The following PCSK5 variants were observed in gnomAD, a reference collection of about 807,000 sequenced individuals.
PCSK5 encodes prohormone convertase 5.
PCSK5 carries 129 observed loss-of-function variants against 233.2 expected under a neutral mutation model. That is an observed-to-expected ratio of 0.55 (90% CI 0.48 to 0.64). The LOEUF (loss-of-function observed/expected upper bound fraction) is 0.64, where lower values mean the gene tolerates loss of function less well. PCSK5 is among the 30% of genes least tolerant of loss of function. The probability of loss-of-function intolerance (pLI) is 0.00; values close to 1 mark genes in which losing one functional copy is unlikely to be tolerated. For missense variants in PCSK5, 2,076 were observed against 2,430.1 expected, an observed-to-expected ratio of 0.85 and a Z score of 3.06; for synonymous variants, 825 against 879.2, an observed-to-expected ratio of 0.94 and a Z score of 1.09.
intron 3 of PCSK5, among the ~76,000 whole-genome samples, chr9:76,008,933 T>C (rs1481571855): frequency 1.3e-5 from 2 of 152,208 alleles, no homozygotes; most frequent in Non-Finnish European, 2.9e-5. Flanking sequence ...AGATAAGCAA[T>C]GAATAACTTT....
At position 76,357,602 on chromosome 9, in the gene PCSK5, G is replaced by C. The variant is rs532706432; in HGVS notation, c.5255-911G>C. ...ATTTAAAGATAGTACTTCTTTTTCTGCCAGGCTAGGAGCATAAAACTCCAA... is the reference window on the plus strand; with the variant it reads ...ATTTAAAGATAGTACTTCTTTTTCTCCCAGGCTAGGAGCATAAAACTCCAA... On this transcript the variant is annotated intron_variant, in intron 37 of 37. Coordinates refer to ENST00000674117, the MANE Select transcript of PCSK5 (RefSeq NM_001372043.1). Among the ~76,000 whole-genome samples the C allele has an allele frequency of 7.2e-5, 11 of 152,026 alleles. No homozygotes were observed. In the East Asian group the frequency reaches 1.9e-3, roughly 27 times the overall value.
intron 27 of PCSK5, among the ~76,000 whole-genome samples, chr9:76,300,584 C>A (rs1316397229): frequency 6.6e-6 from 1 of 152,146 alleles, no homozygotes; most frequent in Non-Finnish European, 1.5e-5. Flanking sequence ...CCTGTCTTAC[C>A]AGCACACCAT....
intron 37 of PCSK5, among the ~76,000 whole-genome samples, chr9:76,356,475 C>A (rs974230109): frequency 1.3e-5 from 2 of 152,176 alleles, no homozygotes; most frequent in African/African-American, 4.8e-5. Context: ...ATTCAAACAA[C>A]CTCAAAAGGT....
chr9:75,950,149 G>T lies in PCSK5; in HGVS notation c.297+17666G>T, dbSNP rs13283988. ...GACACACTTGTGTGTGTGTGTGGGG[G>T]GGGCGGGGAGGGGGGAACTGCTACA... On this transcript the variant is annotated intron_variant, in intron 2 of 37. Coordinates refer to ENST00000674117, the MANE Select transcript of PCSK5 (RefSeq NM_001372043.1). Among the ~76,000 whole-genome samples, 727 of 143,188 alleles carry T rather than the reference G, an allele frequency of 5.1e-3. 24 individuals carry two copies. The highest frequency in any genetic ancestry group is 0.018 in the African/African-American group (697 of 39,148). 93.9% of individuals were successfully genotyped at this position (143,188 alleles called of 152,430 possible).
Position 76,189,692 on chromosome 9 carries a change from A to G in PCSK5, c.2572A>G (p.Ser858Gly). Residue 858 changes from serine to glycine, a missense_variant, in exon 20 of 38, where the codon AGT becomes GGT. Ser to Gly is a moderately conservative substitution (Grantham distance 56). Coordinates refer to ENST00000674117, the MANE Select transcript of PCSK5 (RefSeq NM_001372043.1). ...PGFKNCTSCP[S>G]GYLLDLGMCQ... ...ATTCAAGAACTGTACAAGCTGCCCT[A>G]GTGGGTATCTCTTAGACTTAGGAAT... The G allele has an allele frequency of 6.2e-7, 1 of 1,613,120 alleles. No individual in the cohort carries two copies. The highest frequency in any genetic ancestry group is 8.5e-7 in the Non-Finnish European group (1 of 1,179,156).
chr9:76,171,096 A>C (rs1823313544), intron 13 of PCSK5, among the ~76,000 whole-genome samples: 1 of 152,212 alleles, frequency 6.6e-6, no homozygotes, highest in Admixed American at 6.5e-5. Context: ...CCAAGTTTTT[A>C]TCAAGAAAGC....
intron 3 of PCSK5, among the ~76,000 whole-genome samples, chr9:75,987,296 T>C (rs529634003): frequency 6.6e-6 from 1 of 152,278 alleles, no homozygotes; most frequent in South Asian, 2.1e-4. Context: ...TGTGTTCCTA[T>C]CTTTTGTCAT....
chr9:76,188,810 G>A (rs1434347497), intron 18 of PCSK5, 135 bp downstream of exon 18: 1 of 681,338 alleles, frequency 1.5e-6, no homozygotes, highest in African/African-American at 1.8e-5. Context: ...TTTGATAATT[G>A]TGTGTGTATT....
At chr9:76,125,396 A>C (rs1439385968) in intron 9 of PCSK5, among the ~76,000 whole-genome samples, 1 of 152,166 alleles carries the variant, frequency 6.6e-6, no homozygotes, top group Non-Finnish European at 1.5e-5. Flanking sequence ...GCAGGTGGCG[A>C]GGGTCAGAGC....
chr9:76,292,370 T>C, intron 25 of PCSK5, 95 bp downstream of exon 25: 2 of 814,402 alleles, frequency 2.5e-6, no homozygotes, highest in Middle Eastern at 4.6e-4. Context: ...AAAGTGGCCC[T>C]GCAGCCCGAA....
At chr9:75,899,324 A>T (rs1347138975) in intron 1 of PCSK5, among the ~76,000 whole-genome samples, 1 of 152,222 alleles carries the variant, frequency 6.6e-6, no homozygotes, top group Non-Finnish European at 1.5e-5. Flanking sequence ...TGATTATTAC[A>T]GGTAAGCAAA....
chr9:76,323,755 C>G (rs890630591), intron 32 of PCSK5, among the ~76,000 whole-genome samples: 8 of 152,148 alleles, frequency 5.3e-5, no homozygotes, highest in African/African-American at 1.9e-4. Context: ...TGACAAATCA[C>G]GTGGACCTTC....
intron 1 of PCSK5, among the ~76,000 whole-genome samples, chr9:75,910,019 T>A (rs1323875888): frequency 6.6e-6 from 1 of 152,172 alleles, no homozygotes; most frequent in Non-Finnish European, 1.5e-5. Flanking sequence ...TCTGAGTCCT[T>A]GAGAGATGCG....
chr9:76,116,284 A>C (rs1261961259), intron 9 of PCSK5, among the ~76,000 whole-genome samples: 1 of 152,144 alleles, frequency 6.6e-6, no homozygotes, highest in Non-Finnish European at 1.5e-5. Context: ...CACAAAAAGA[A>C]AGACATTGGA....
chr9:75,902,499 G>A lies in PCSK5; in HGVS notation c.192+11126G>A, dbSNP rs185848264. ...AAGAGTGGTAGAAGCAGAAAGATGA[G>A]AGCCAACCCAGAGAGTATTTTTATT... On this transcript the variant is annotated intron_variant, in intron 1 of 37. Coordinates refer to ENST00000674117, the MANE Select transcript of PCSK5 (RefSeq NM_001372043.1). Among the ~76,000 whole-genome samples, 153 of 152,216 alleles carry A rather than the reference G, an allele frequency of 1.0e-3. 1 individual carries two copies. The highest frequency in any genetic ancestry group is 2.5e-4 in the Non-Finnish European group (17 of 68,010).
rs2259775 is a variant in PCSK5 at position 76,323,340 on chromosome 9, C to A, written c.4339+52C>A. The A allele has an allele frequency of 2.9e-5, 31 of 1,054,180 alleles. No individual in the cohort carries two copies. In the African/African-American group the frequency reaches 3.0e-4, roughly 10 times the overall value. 65.3% of individuals were successfully genotyped at this position (1,054,180 alleles called of 1,614,324 possible). ...GCTCCGGGGTTTGCATAGTTCCAGC[C>A]CCAGCCCCAGCGCCAGAGCTGTCAT... On this transcript the variant is annotated intron_variant, in intron 32 of 37. Coordinates refer to ENST00000674117, the MANE Select transcript of PCSK5 (RefSeq NM_001372043.1).
At chr9:75,979,732 AT>A (rs1826193100) in intron 2 of PCSK5, among the ~76,000 whole-genome samples, 1 of 152,248 alleles carries the variant, frequency 6.6e-6, no homozygotes, top group African/African-American at 2.4e-5. Flanking sequence ...ATGGTTTCTC[AT>A]TATTCAAAAT....
intron 2 of PCSK5, among the ~76,000 whole-genome samples, chr9:75,960,696 G>A (rs547864052): frequency 1.0e-3 from 158 of 152,244 alleles, no homozygotes; most frequent in African/African-American, 3.3e-3. Context: ...GATGAGCATC[G>A]GCTCTCCTTC....
rs1827129825 is a variant in PCSK5 at position 76,260,353 on chromosome 9, T to C, written c.3142+19669T>C. On this transcript the variant is annotated intron_variant, in intron 24 of 37. Coordinates refer to ENST00000674117, the MANE Select transcript of PCSK5 (RefSeq NM_001372043.1). Reference sequence around the variant, plus strand: ...CAGCAAGAGGACTTTGAAGATGAGATTAAGGTTAAAGATTTTGAGATGGGG... The same window carrying C: ...CAGCAAGAGGACTTTGAAGATGAGACTAAGGTTAAAGATTTTGAGATGGGG... Among the ~76,000 whole-genome samples, 3 of 152,154 alleles carry C rather than the reference T, an allele frequency of 2.0e-5. No homozygotes were observed. The South Asian group carries it at 6.2e-4, about 32-fold the overall frequency.
Sources: gnomAD v4.1 joint callset for allele counts (sites outside exome capture counted in the v4.1 genomes callset) on GRCh38, gnomAD v4.1.1 for gene constraint, MANE v1.5 for transcripts, NCBI Gene and HGNC (gene_info 2026-07-23, HGNC 2026-07-21) for gene names.